Variants in EFR3A observed in about 807,000 individuals in gnomAD.
EFR3A encodes EFR3 homolog A, also known as protein EFR3 homolog A.
Under a neutral mutation model 104.4 loss-of-function variants are expected in EFR3A, and 76 were observed. The ratio of observed to expected loss-of-function variants is 0.73; its 90% CI spans 0.60 to 0.88. The LOEUF is 0.88. EFR3A is among the 40% of genes least tolerant of loss of function. The pLI, the probability that EFR3A is intolerant of heterozygous loss-of-function variation, is 0.00. For missense variants in EFR3A, 985 were observed against 1,012.5 expected, an observed-to-expected ratio of 0.97 and a Z score of 0.37; for synonymous variants, 330 against 330.0, an observed-to-expected ratio of 1.00 and a Z score of 0.00.
chr8:132,008,367 G>A (rs35672821), intron 22 of EFR3A, among the ~76,000 whole-genome samples: 6,569 of 152,076 alleles, frequency 0.043, 174 homozygotes, highest in Middle Eastern at 0.068. Context: ...TAAAATGAGA[G>A]AATTGAATAT....
intron 14 of EFR3A, among the ~76,000 whole-genome samples, chr8:131,979,816 C>T (rs1820516936): frequency 6.6e-6 from 1 of 152,126 alleles, no homozygotes; most frequent in Non-Finnish European, 1.5e-5. Flanking sequence ...TTTTTGCTGT[C>T]TTATTAGACA....
chr8:131,976,206 A>G, intron 11 of EFR3A, 65 bp downstream of exon 11: 1 of 1,066,316 alleles, frequency 9.4e-7, no homozygotes. Flanking sequence ...CGAAATCTAG[A>G]AAATGTTAAC....
At chr8:131,978,329 C>T (rs1820422553) in intron 12 of EFR3A, among the ~76,000 whole-genome samples, 1 of 152,074 alleles carries the variant, frequency 6.6e-6, no homozygotes, top group African/African-American at 2.4e-5. Context: ...AAGATATTGA[C>T]GTACTCTTAA....
In EFR3A at chr8:131,904,095, C is replaced by A; in HGVS notation, c.-218C>A. 2.3e-6 allele frequency: 1 copy of A among 440,396 alleles called. No homozygotes were observed. The highest frequency in any genetic ancestry group is 3.7e-6 in the Non-Finnish European group (1 of 272,938). The allele number at this position is 440,396 out of a possible 1,614,324, so 27.3% of individuals were successfully genotyped here. ...CGCTGACGTAACGGGCGTGGGTCGT[C>A]CGTCGCGCCGCCCGGCGAGGAGTGG... On this transcript the variant is annotated 5_prime_UTR_variant, in exon 1 of 23. Transcript: ENST00000254624.
intron 12 of EFR3A, 134 bp downstream of exon 12, chr8:131,977,226 AT>A: frequency 1.1e-5 from 6 of 557,742 alleles, no homozygotes; most frequent in Non-Finnish European, 1.8e-5. Flanking sequence ...TATGTTCTTC[AT>A]TTTAAAGATT....
At chr8:131,927,423 C>T (rs1310453898) in intron 1 of EFR3A, among the ~76,000 whole-genome samples, 1 of 152,098 alleles carries the variant, frequency 6.6e-6, no homozygotes, top group Non-Finnish European at 1.5e-5. Context: ...GGAAATCTTC[C>T]TCTAGGTTAC....
intron 10 of EFR3A, among the ~76,000 whole-genome samples, chr8:131,971,988 C>CGTA (rs889014373): frequency 6.6e-6 from 1 of 152,100 alleles, no homozygotes. Flanking sequence ...TAGTCTTTAC[C>CGTA]ATGATGGCTG....
rs1241349804 is a variant in EFR3A, at chr8:131,984,909, GTGTT to G, written c.1738-14_1738-11del. ...AGTATAAGAACTTGATCTCTCTGATGTGTTTGTTTCTTATTAAAGGACAGTGCAA... is the reference window on the plus strand; with the variant it reads ...AGTATAAGAACTTGATCTCTCTGATGTGTTTCTTATTAAAGGACAGTGCAA... On this transcript the variant is annotated splice_polypyrimidine_tract_variant and intron_variant, in intron 15 of 22. Coordinates refer to ENST00000254624, the MANE Select transcript of EFR3A (RefSeq NM_015137.6). 37 of 1,607,154 alleles carry G rather than the reference GTGTT, an allele frequency of 2.3e-5. No individual in the cohort carries two copies. Among genetic ancestry groups the G allele is most frequent in the Non-Finnish European group, 3.1e-5 (36 of 1,175,618 alleles).
chr8:131,997,562 A>C (rs79232229), intron 19 of EFR3A, among the ~76,000 whole-genome samples: 3,377 of 152,182 alleles, frequency 0.022, 59 homozygotes, highest in African/African-American at 0.045. Context: ...AACTCAACGC[A>C]TTAAGTCTAA....
chr8:131,921,734 T>C (rs1250596951), intron 1 of EFR3A, among the ~76,000 whole-genome samples: 1 of 152,122 alleles, frequency 6.6e-6, no homozygotes, highest in Admixed American at 6.6e-5. Context: ...AGTTATTTTG[T>C]ATGTTACTAT....
chr8:131,990,690 A>G (rs140428637), intron 18 of EFR3A, among the ~76,000 whole-genome samples: 179 of 152,288 alleles, frequency 1.2e-3, no homozygotes, highest in African/African-American at 4.0e-3. Context: ...TGGGGTGACT[A>G]TTTATTTTGA....
At chr8:131,907,925 C>T (rs1816331750) in intron 1 of EFR3A, among the ~76,000 whole-genome samples, 1 of 152,018 alleles carries the variant, frequency 6.6e-6, no homozygotes, top group African/African-American at 2.4e-5. Flanking sequence ...TGACCTTTGG[C>T]TTGACACTGC....
chr8:131,997,582 C>T (rs991725411), intron 19 of EFR3A, among the ~76,000 whole-genome samples: 2 of 151,998 alleles, frequency 1.3e-5, no homozygotes, highest in Non-Finnish European at 2.9e-5. Flanking sequence ...AAGTTTCTTA[C>T]CAGTTTAAGG....
At chr8:131,984,011 A>C (rs1320743826) in intron 14 of EFR3A, 128 bp from the exon 15 acceptor site, 1 of 672,742 alleles carries the variant, frequency 1.5e-6, no homozygotes, top group Non-Finnish European at 2.2e-6. Flanking sequence ...CTATCTGATC[A>C]ACTTAAATTT....
At chr8:131,931,052 G>A (rs1817578853) in intron 1 of EFR3A, among the ~76,000 whole-genome samples, 1 of 152,084 alleles carries the variant, frequency 6.6e-6, no homozygotes, top group African/African-American at 2.4e-5. Context: ...GAATGAACGT[G>A]GGTGTGCATG....
intron 7 of EFR3A, among the ~76,000 whole-genome samples, chr8:131,957,840 AG>A (rs1319820759): frequency 6.6e-6 from 1 of 152,224 alleles, no homozygotes; most frequent in African/African-American, 2.4e-5. Flanking sequence ...ATCAACAGTG[AG>A]CACAAGACAC....
At chr8:131,921,286 G>T (rs934401358) in intron 1 of EFR3A, among the ~76,000 whole-genome samples, 1 of 152,058 alleles carries the variant, frequency 6.6e-6, no homozygotes, top group African/African-American at 2.4e-5. Flanking sequence ...CTTTTATATA[G>T]CCATCTATCT....
intron 1 of EFR3A, among the ~76,000 whole-genome samples, chr8:131,928,130 CCTTATAAACCTAATTGATTGGTTGACT>C (rs1817396375): frequency 6.6e-6 from 1 of 151,534 alleles, no homozygotes; most frequent in African/African-American, 2.4e-5. Context: ...TAGTTAAGTA[CCTTATAAACCTAATTGATTGGTTGACT>C]AGTCATGAAA....
rs140905218 is a variant in EFR3A at position 131,960,026 on chromosome 8, G to A, written c.855+363G>A. The stretch of plus-strand genomic sequence containing the variant: ...CCTTCCTTTCCTGGATGGGCCCTAA[G>A]CTTTGTATCTAGTCTCCTATGTATA... On this transcript the variant is annotated intron_variant, in intron 8 of 22. Transcript: ENST00000254624. Among the ~76,000 whole-genome samples the A allele has an allele frequency of 1.1e-3, 165 of 152,238 alleles. No homozygotes were observed. In the Middle Eastern group the frequency reaches 0.014, roughly 13 times the overall value.
Sources: allele counts gnomAD v4.1 joint callset (sites outside exome capture counted in the v4.1 genomes callset), GRCh38; gene constraint gnomAD v4.1.1; transcripts MANE v1.5; gene names NCBI Gene and HGNC (gene_info 2026-07-23, HGNC 2026-07-21).